Variants in PCDHA13 observed in about 807,000 individuals in gnomAD.
The protein encoded by PCDHA13 is protocadherin alpha-13.
PCDHA13 carries 54 observed loss-of-function variants against 64.8 expected under a neutral mutation model. That is an observed-to-expected ratio of 0.83 (90% CI 0.67 to 1.04). The LOEUF (loss-of-function observed/expected upper bound fraction) is 1.04, where lower values mean the gene tolerates loss of function less well. Among genes scored for constraint, PCDHA13 ranks in the 50% least tolerant of loss-of-function variants. The pLI is 0.00. For missense variants in PCDHA13, 1,248 were observed against 1,254.3 expected (o/e 0.99, Z 0.08); for synonymous variants, 587 against 564.4 (o/e 1.04, Z -0.57).
intron 1 of PCDHA13, among the ~76,000 whole-genome samples, chr5:140,888,469 T>C (rs892080299): frequency 2.0e-5 from 3 of 152,230 alleles, no homozygotes; most frequent in South Asian, 4.1e-4. Flanking sequence ...AAAATGTCAG[T>C]AGTTCCACTG....
intron 3 of PCDHA13, among the ~76,000 whole-genome samples, chr5:141,005,573 G>A (rs947306752): frequency 4.0e-5 from 6 of 151,140 alleles, no homozygotes; most frequent in Admixed American, 1.3e-4. Context: ...ATGGTGGCGC[G>A]TGCCTGTAGT....
In PCDHA13 at chr5:140,884,230, CG is replaced by C; in HGVS notation, c.1964del (p.Gly655ValfsTer5). The C allele has an allele frequency of 1.2e-6, 2 of 1,613,384 alleles. No homozygotes were observed. The highest frequency in any genetic ancestry group is 1.7e-6 in the Non-Finnish European group (2 of 1,179,716). On this transcript the variant is annotated frameshift_variant, in exon 1 of 4. Transcript: ENST00000289272. LOFTEE classifies it high-confidence loss of function. ...GCCTTCTGGTGCTGGTGAAGGACCA[CG>C]GTGAGCCCGCGCTGACGGCCACGGC... ...HRLLVLVKDH[G>X]EPALTATATV...
At chr5:140,967,809 A>G in intron 1 of PCDHA13, 1 of 1,614,190 alleles carries the variant, frequency 6.2e-7, no homozygotes. Flanking sequence ...ATGGCAGGTC[A>G]CTGCAAGGTG....
intron 1 of PCDHA13, among the ~76,000 whole-genome samples, chr5:140,961,220 G>T (rs2095597952): frequency 6.6e-6 from 1 of 152,032 alleles, no homozygotes; most frequent in Non-Finnish European, 1.5e-5. Flanking sequence ...GAAGAAACTG[G>T]GTCCCAAAAA....
At chr5:140,924,484 A>G (rs1198741385) in intron 1 of PCDHA13, among the ~76,000 whole-genome samples, 1 of 152,184 alleles carries the variant, frequency 6.6e-6, no homozygotes, top group Non-Finnish European at 1.5e-5. Flanking sequence ...TTTTAGTGGA[A>G]CACTGGCATT....
At chr5:141,009,455 A>G in intron 3 of PCDHA13, 172 bp from the exon 4 acceptor site, 1 of 946,862 alleles carries the variant, frequency 1.1e-6, no homozygotes, top group Non-Finnish European at 1.3e-6. Flanking sequence ...AAAAAATTAA[A>G]CAAATAAATA....
intron 1 of PCDHA13, among the ~76,000 whole-genome samples, chr5:140,895,788 G>A (rs947578940): frequency 3.9e-5 from 6 of 152,014 alleles, no homozygotes; most frequent in East Asian, 1.9e-4. Context: ...ATTCAATGAC[G>A]TATATGTACA....
intron 1 of PCDHA13, among the ~76,000 whole-genome samples, chr5:140,910,781 A>G (rs1402088509): frequency 3.9e-5 from 6 of 152,220 alleles, no homozygotes; most frequent in Non-Finnish European, 8.8e-5. Flanking sequence ...AAGCTGCAAC[A>G]TTAAATGCAG....
intron 1 of PCDHA13, among the ~76,000 whole-genome samples, chr5:140,945,892 G>T (rs1351699782): frequency 1.3e-5 from 2 of 152,018 alleles, no homozygotes; most frequent in African/African-American, 4.8e-5. Context: ...AGAAAACACA[G>T]TGGGAAAGAT....
At chr5:140,908,142 A>G (rs1371459142) in intron 1 of PCDHA13, among the ~76,000 whole-genome samples, 1 of 152,158 alleles carries the variant, frequency 6.6e-6, no homozygotes, top group Non-Finnish European at 1.5e-5. Flanking sequence ...TCCTTCAGGT[A>G]TGTCCTAGGA....
intron 1 of PCDHA13, among the ~76,000 whole-genome samples, chr5:140,949,914 C>T (rs941651578): frequency 1.3e-5 from 2 of 151,190 alleles, no homozygotes; most frequent in African/African-American, 4.8e-5. Context: ...TTAGATATAA[C>T]TATTTTTAGA....
At chr5:140,979,384 G>A (rs1243693033) in intron 2 of PCDHA13, among the ~76,000 whole-genome samples, 3 of 151,896 alleles carry the variant, frequency 2.0e-5, no homozygotes, top group African/African-American at 7.3e-5. Context: ...ATTGTGCAAT[G>A]TATACATACA....
Position 140,882,460 on chromosome 5 carries a change from C to T in PCDHA13, c.192C>T (p.Phe64=). The T allele has an allele frequency of 2.5e-6, 4 of 1,613,998 alleles. No homozygotes were observed. The highest frequency in any genetic ancestry group is 3.4e-6 in the Non-Finnish European group (4 of 1,180,042). The change falls in exon 1 of 4, where the codon TTC becomes TTT. Residue 64 remains phenylalanine (F), a synonymous_variant. Coordinates refer to ENST00000289272, the MANE Select transcript of PCDHA13 (RefSeq NM_018904.3). ...TGGCGGAGCTGGTGCCGCGCCTGTT[C>T]CGGGTGGCGTCCAAAAGACACGGGG... ...LELAELVPRL[F]RVASKRHGDL... is the part of the protein sequence containing the mutation.
intron 1 of PCDHA13, among the ~76,000 whole-genome samples, chr5:140,958,381 T>G (rs1554223451): frequency 6.6e-6 from 1 of 152,280 alleles, no homozygotes; most frequent in South Asian, 2.1e-4. Context: ...GCTATTTTCT[T>G]AACAGGTCAT....
At chr5:140,961,887 G>GTTT (rs35680913) in intron 1 of PCDHA13, among the ~76,000 whole-genome samples, 3 of 143,936 alleles carry the variant, frequency 2.1e-5, no homozygotes, top group Non-Finnish European at 3.1e-5. Context: ...ACTTACATCA[G>GTTT]TTTTTTTTTT....
intron 1 of PCDHA13, among the ~76,000 whole-genome samples, chr5:140,965,939 C>A (rs1554227944): frequency 6.6e-6 from 1 of 152,188 alleles, no homozygotes; most frequent in Admixed American, 6.5e-5. Flanking sequence ...GGAAAGAGGG[C>A]AGCATTTGCC....
intron 3 of PCDHA13, among the ~76,000 whole-genome samples, chr5:140,983,911 G>A (rs546792762): frequency 6.6e-6 from 1 of 152,290 alleles, no homozygotes; most frequent in East Asian, 1.9e-4. Flanking sequence ...ATTCTAATCA[G>A]CCAGGATTTG....
chr5:140,942,618 GT>G (rs1372135994), intron 1 of PCDHA13, among the ~76,000 whole-genome samples: 1 of 97,742 alleles, frequency 1.0e-5, no homozygotes, highest in African/African-American at 5.0e-5. Context: ...TTTGCCAATT[GT>G]AAAAAAAAAA....
At chr5:140,891,034 G>A (rs1377509789) in intron 1 of PCDHA13, among the ~76,000 whole-genome samples, 1 of 151,488 alleles carries the variant, frequency 6.6e-6, no homozygotes, top group Non-Finnish European at 1.5e-5. Context: ...ATAATCTTAG[G>A]TGTGACCCCC....
Sources: gnomAD v4.1 joint callset for allele counts (sites outside exome capture counted in the v4.1 genomes callset) on GRCh38, gnomAD v4.1.1 for gene constraint, MANE v1.5 for transcripts, NCBI Gene and HGNC (gene_info 2026-07-23, HGNC 2026-07-21) for gene names.